ITPR2: variants seen among roughly 807,000 people sequenced by gnomAD.
ITPR2 encodes inositol 1,4,5-trisphosphate receptor type 2, also known as inositol 1,4,5-trisphosphate-gated calcium channel ITPR2.
Under a neutral mutation model 317.1 loss-of-function variants are expected in ITPR2, and 207 were observed. The ratio of observed to expected loss-of-function variants is 0.65; its 90% CI spans 0.58 to 0.73. ITPR2 has a LOEUF of 0.73. ITPR2 is among the 30% of genes least tolerant of loss of function. ITPR2 has a pLI of 0.00. For synonymous variants in ITPR2, 1,156 were observed against 1,149.1 expected, an observed-to-expected ratio of 1.01 and a Z score of -0.12; for missense variants, 2,613 against 3,284.0, an observed-to-expected ratio of 0.80 and a Z score of 4.99.
intron 45 of ITPR2, among the ~76,000 whole-genome samples, chr12:26,455,000 A>G (rs1037276976): frequency 1.3e-5 from 2 of 152,146 alleles, no homozygotes; most frequent in Non-Finnish European, 2.9e-5. Flanking sequence ...CTATTCCAAG[A>G]ATGAGTCAAT....
chr12:26,789,732 A>C (rs10842792), intron 2 of ITPR2, among the ~76,000 whole-genome samples: 152,345 of 152,356 alleles, frequency 1, 76,167 homozygotes, highest in Middle Eastern at 1. Context: ...TACACACCAT[A>C]AAATTGCTAT....
intron 45 of ITPR2, among the ~76,000 whole-genome samples, chr12:26,467,953 TA>T (rs755107895): frequency 9.2e-5 from 14 of 152,198 alleles, no homozygotes; most frequent in Non-Finnish European, 1.9e-4. Context: ...GTTTCTTTTG[TA>T]AAAATAAGGC....
intron 20 of ITPR2, 29 bp from the exon 21 acceptor site, chr12:26,654,155 G>A: frequency 2.0e-6 from 3 of 1,520,846 alleles, no homozygotes; most frequent in Non-Finnish European, 2.6e-6. Context: ...GCGGGGAGGG[G>A]GAGGGTGAAA....
At chr12:26,438,108 A>G (rs1208003318) in intron 47 of ITPR2, among the ~76,000 whole-genome samples, 1 of 96,196 alleles carries the variant, frequency 1.0e-5, no homozygotes, top group Non-Finnish European at 2.0e-5. Context: ...GCCAGAAAAT[A>G]TATGTTTTTT....
intron 37 of ITPR2, among the ~76,000 whole-genome samples, chr12:26,535,235 G>C (rs969010893): frequency 6.6e-6 from 1 of 152,124 alleles, no homozygotes; most frequent in East Asian, 1.9e-4. Context: ...CTTATCCCTA[G>C]AGGTAACATT....
chr12:26,488,131 T>C (rs1481041230), intron 39 of ITPR2, among the ~76,000 whole-genome samples: 1 of 152,022 alleles, frequency 6.6e-6, no homozygotes, highest in Non-Finnish European at 1.5e-5. Context: ...TTGAAGTGGG[T>C]GGGGGAATTA....
intron 2 of ITPR2, among the ~76,000 whole-genome samples, chr12:26,755,844 C>T (rs1029685415): frequency 6.6e-6 from 1 of 152,150 alleles, no homozygotes; most frequent in African/African-American, 2.4e-5. Context: ...AGTCCCTATA[C>T]AGAGTTTCTG....
intron 37 of ITPR2, among the ~76,000 whole-genome samples, chr12:26,529,079 C>A (rs141877239): frequency 1.3e-5 from 2 of 152,314 alleles, no homozygotes; most frequent in South Asian, 4.1e-4. Context: ...TAGATAACTG[C>A]AATCACTTCT....
Position 26,415,286 on chromosome 12 carries a change from A to G in ITPR2, c.7306+17T>C, listed in dbSNP as rs1479153472. 1.3e-6 allele frequency: 2 copies of G among 1,545,476 alleles called. No individual in the cohort carries two copies. The highest frequency in any genetic ancestry group is 1.8e-6 in the Non-Finnish European group (2 of 1,140,018). On this transcript the variant is annotated intron_variant, in intron 51 of 56. Transcript: ENST00000381340. ...ATCTGCCATCAGAGAAACCTCATTT[A>G]GTGGTAATAGCAATACCTGTAACAG...
intron 52 of ITPR2, 74 bp downstream of exon 52, chr12:26,411,244 TAA>T: frequency 2.2e-6 from 2 of 924,160 alleles, no homozygotes; most frequent in Non-Finnish European, 3.5e-6. Context: ...AGCAATTCCC[TAA>T]GAGGTAATAA....
intron 26 of ITPR2, among the ~76,000 whole-genome samples, chr12:26,611,127 C>G (rs536389597): frequency 6.6e-6 from 1 of 152,330 alleles, no homozygotes; most frequent in Admixed American, 6.5e-5. Flanking sequence ...CTTTCGAACA[C>G]TAGCCCATGG....
At chr12:26,560,819 C>A (rs1944797140) in intron 35 of ITPR2, among the ~76,000 whole-genome samples, 1 of 152,188 alleles carries the variant, frequency 6.6e-6, no homozygotes, top group Admixed American at 6.5e-5. Flanking sequence ...CACTCATCTA[C>A]ATGTTACCTC....
At chr12:26,417,097 A>T (rs1250281101) in intron 50 of ITPR2, among the ~76,000 whole-genome samples, 1 of 152,110 alleles carries the variant, frequency 6.6e-6, no homozygotes, top group Non-Finnish European at 1.5e-5. Context: ...AATTGTGGGT[A>T]CAACAGGGAA....
intron 2 of ITPR2, among the ~76,000 whole-genome samples, chr12:26,764,736 A>G (rs1457643662): frequency 1.3e-5 from 2 of 152,044 alleles, no homozygotes; most frequent in Non-Finnish European, 2.9e-5. Context: ...TGTACAAAAG[A>G]CCTGAACAGA....
chr12:26,456,114 T>C (rs1235099965), intron 45 of ITPR2, among the ~76,000 whole-genome samples: 2 of 152,204 alleles, frequency 1.3e-5, no homozygotes, highest in African/African-American at 4.8e-5. Flanking sequence ...TGAGATCTAC[T>C]GGGCTACATT....
Position 26,413,568 on chromosome 12 carries a change from T to A in ITPR2, c.7306+1735A>T, listed in dbSNP as rs560579608. 2.0e-5 allele frequency among the ~76,000 whole-genome samples: 3 copies of A among 152,298 alleles called. No individual in the cohort carries two copies. In the South Asian group the frequency reaches 6.2e-4, roughly 32 times the overall value. ...ATTTGAAATATTATGAAAACAAGGG[T>A]GTTTTTCCTAGGGCATCATGTCATG... On this transcript the variant is annotated intron_variant, in intron 51 of 56. Transcript: ENST00000381340.
intron 31 of ITPR2, among the ~76,000 whole-genome samples, chr12:26,596,574 G>C (rs560469313): frequency 6.7e-6 from 1 of 150,336 alleles, no homozygotes; most frequent in East Asian, 2.0e-4. Context: ...TTGAACCCAA[G>C]AGGTGGAGGC....
intron 2 of ITPR2, among the ~76,000 whole-genome samples, chr12:26,751,027 C>T (rs1949405109): frequency 6.6e-6 from 1 of 152,138 alleles, no homozygotes; most frequent in Non-Finnish European, 1.5e-5. Context: ...TGGCAAAAGA[C>T]CAGGGCAGGG....
intron 49 of ITPR2, among the ~76,000 whole-genome samples, chr12:26,422,788 T>C (rs1210714172): frequency 2.0e-5 from 3 of 152,184 alleles, no homozygotes; most frequent in Admixed American, 6.5e-5. Flanking sequence ...CAGGAATAAA[T>C]TGTATAAAGA....
Sources: gnomAD v4.1 joint callset for allele counts (sites outside exome capture counted in the v4.1 genomes callset) on GRCh38, gnomAD v4.1.1 for gene constraint, MANE v1.5 for transcripts, NCBI Gene and HGNC (gene_info 2026-07-23, HGNC 2026-07-21) for gene names.